RBMX2: variants seen among roughly 807,000 people sequenced by gnomAD.
The protein encoded by RBMX2 is RNA-binding motif protein, X-linked 2.
For missense variants in RBMX2, 191 were observed against 256.0 expected (o/e 0.75, Z 1.73); for synonymous variants, 77 against 94.3 (o/e 0.82, Z 1.07).
intron 1 of RBMX2, 30 bp from the exon 2 acceptor site, chrX:130,402,225 A>AACCACACC: frequency 1.0e-6 from 1 of 984,797 alleles, no homozygotes; most frequent in Non-Finnish European, 1.4e-6. Context: ...TTTTCTGCCT[A>AACCACACC]CCCTCCCCAC....
intron 3 of RBMX2, among the ~76,000 whole-genome samples, chrX:130,406,708 C>T (rs1425010926): frequency 1.8e-5 from 2 of 109,306 alleles, no homozygotes; most frequent in Admixed American, 9.7e-5. Context: ...TGCTTGGGAC[C>T]AGAGGACCAG....
intron 3 of RBMX2, chrX:130,404,485 C>T (rs757127773): frequency 1.1e-4 from 13 of 113,110 alleles, no homozygotes; most frequent in Admixed American, 1.0e-3. Flanking sequence ...GGCAGCTGGC[C>T]TGCAACCCCA....
At position 130,402,234 on chromosome X, in the gene RBMX2, A is replaced by ACC. The variant is rs368717541; in HGVS notation, c.6-14_6-13dup. ...GTCTGCTTTTCTGCCTACCCTCCCC[A>ACC]CCCCCCCCGCCACCGTGAAGCCCTT... On this transcript the variant is annotated intron_variant, in intron 1 of 5. Transcript: ENST00000305536. 50 of 591,208 alleles carry ACC rather than the reference A, an allele frequency of 8.5e-5. No homozygotes were observed. In the African/African-American group the frequency reaches 1.6e-3, roughly 19 times the overall value. The allele number at this position is 591,208 out of a possible 1,213,427, so 48.7% of individuals were successfully genotyped here.
rs1288889888 is a variant in RBMX2 at position 130,412,405 on chromosome X, G to T, written c.526G>T (p.Asp176Tyr). The T allele has an allele frequency of 8.5e-7, 1 of 1,175,183 alleles. No homozygotes were observed. The highest frequency in any genetic ancestry group is 2.4e-4 in the Middle Eastern group (1 of 4,166). Residue 176 changes from aspartate to tyrosine, a missense_variant, in exon 6 of 6, where the codon GAC becomes TAC. By Grantham distance (160) the Asp-to-Tyr change is radical. Transcript: ENST00000305536. ...KKKKKEKEKA[D>Y]REVQAEQPSS... ...AAAAAAGAAAGAAAAAGAGAAAGCC[G>T]ACCGGGAGGTACAGGCAGAGCAACC...
intron 3 of RBMX2, among the ~76,000 whole-genome samples, chrX:130,407,334 C>T (rs757885493): frequency 1.8e-5 from 2 of 111,360 alleles, no homozygotes; most frequent in South Asian, 7.6e-4. Context: ...CTCACTGTAG[C>T]CTTGAGCTCT....
intron 4 of RBMX2, among the ~76,000 whole-genome samples, chrX:130,410,188 G>A (rs762855562): frequency 9.0e-6 from 1 of 111,590 alleles, no homozygotes; most frequent in East Asian, 2.8e-4. Flanking sequence ...CACTGTAAAA[G>A]GAAGGTTTTC....
chrX:130,411,815 C>T (rs1196113503), intron 5 of RBMX2, among the ~76,000 whole-genome samples: 1 of 110,939 alleles, frequency 9.0e-6, no homozygotes, highest in Non-Finnish European at 1.9e-5. Flanking sequence ...CTTGTACAGC[C>T]ACTCGACATA....
At chrX:130,402,946 T>C (rs1304467971) in intron 2 of RBMX2, among the ~76,000 whole-genome samples, 1 of 113,042 alleles carries the variant, frequency 8.8e-6, no homozygotes, top group African/African-American at 3.2e-5. Context: ...CTAAGCACTT[T>C]ATATACATCG....
At chrX:130,409,511 A>G (rs1384448480) in intron 4 of RBMX2, 125 bp downstream of exon 4, 4 of 681,494 alleles carry the variant, frequency 5.9e-6, no homozygotes, top group Non-Finnish European at 8.6e-6. Flanking sequence ...GGGGCTGCAG[A>G]GATGTGGAGA....
rs1569460609 is a variant in RBMX2 at position 130,412,339 on chromosome X, GCTT to G, written c.482-18_482-16del. 2 of 1,074,651 alleles carry G rather than the reference GCTT, an allele frequency of 1.9e-6. No individual in the cohort carries two copies. The highest frequency in any genetic ancestry group is 2.4e-6 in the Non-Finnish European group (2 of 822,561). The allele number at this position is 1,074,651 out of a possible 1,213,427, so 88.6% of individuals were successfully genotyped here. On this transcript the variant is annotated intron_variant, in intron 5 of 5. Transcript: ENST00000305536. ...ATTTTTTTCCCTTTTCTTATTTACTGCTTCTTTCTTTTATCCTCCAGACAAAAA... is the reference window on the plus strand; with the variant it reads ...ATTTTTTTCCCTTTTCTTATTTACTGCTTTCTTTTATCCTCCAGACAAAAA...
Position 130,411,533 on chromosome X carries a change from A to G in RBMX2, c.481+8A>G. The G allele has an allele frequency of 1.7e-6, 2 of 1,173,314 alleles. No individual in the cohort carries two copies. The highest frequency in any genetic ancestry group is 2.4e-5 in the Admixed American group (1 of 41,089). ...CAAAAAAGCACAAAAAAGGTAAAGC[A>G]TTAAGACTTAAGAGAAGATTCTGGG... On this transcript the variant is annotated splice_region_variant and intron_variant, in intron 5 of 5. Coordinates refer to ENST00000305536, the MANE Select transcript of RBMX2 (RefSeq NM_016024.4).
intron 1 of RBMX2, 30 bp from the exon 2 acceptor site, chrX:130,402,225 A>AGCCAACCCCCCC: frequency 1.0e-6 from 1 of 984,797 alleles, no homozygotes; most frequent in Non-Finnish European, 1.4e-6. Context: ...TTTTCTGCCT[A>AGCCAACCCCCCC]CCCTCCCCAC....
chrX:130,410,334 G>A (rs1318900138), intron 4 of RBMX2, among the ~76,000 whole-genome samples: 1 of 105,478 alleles, frequency 9.5e-6, no homozygotes, highest in Non-Finnish European at 1.9e-5. Flanking sequence ...TAGGGAGTAA[G>A]TCTGTATCTG....
At chrX:130,404,000 C>G (rs1442692675) in intron 3 of RBMX2, 147 bp downstream of exon 3, 1 of 556,368 alleles carries the variant, frequency 1.8e-6, no homozygotes, top group Non-Finnish European at 3.1e-6. Context: ...TGTTCTAGAT[C>G]AGTCCCAGGA....
chrX:130,402,234 A>ACCCCACC, intron 1 of RBMX2, 21 bp from the exon 2 acceptor site: 3 of 583,510 alleles, frequency 5.1e-6, no homozygotes, highest in African/African-American at 7.2e-5. Context: ...TACCCTCCCC[A>ACCCCACC]CCCCCCCCGC....
chrX:130,405,037 G>A (rs2034477025), intron 3 of RBMX2, among the ~76,000 whole-genome samples: 1 of 112,154 alleles, frequency 8.9e-6, no homozygotes, highest in African/African-American at 3.2e-5. Context: ...TACGCACGTT[G>A]CTCTCCATGA....
At chrX:130,404,116 G>A in intron 3 of RBMX2, 2 of 355,716 alleles carry the variant, frequency 5.6e-6, no homozygotes, top group Non-Finnish European at 9.9e-6. Flanking sequence ...GGCTTGTTCA[G>A]CCTGGGCCTA....
At chrX:130,409,202 T>G (rs1469058440) in intron 3 of RBMX2, 55 bp from the exon 4 acceptor site, 1 of 1,068,851 alleles carries the variant, frequency 9.4e-7, no homozygotes, top group African/African-American at 1.9e-5. Flanking sequence ...TTACCTTATC[T>G]GCATGTTTTT....
chrX:130,408,293 G>A (rs931378759), intron 3 of RBMX2, among the ~76,000 whole-genome samples: 31 of 111,978 alleles, frequency 2.8e-4, no homozygotes, highest in African/African-American at 9.7e-4. Context: ...CCACCATGCC[G>A]AGCCTAATTT....
Sources: allele counts gnomAD v4.1 joint callset (sites outside exome capture counted in the v4.1 genomes callset), GRCh38; gene constraint gnomAD v4.1.1; transcripts MANE v1.5; gene names NCBI Gene and HGNC (gene_info 2026-07-23, HGNC 2026-07-21).